MEMO1: variants seen among roughly 807,000 people sequenced by gnomAD.
The protein encoded by MEMO1 is protein MEMO1.
A neutral mutation model predicts 45.2 loss-of-function variants in MEMO1; 6 were observed. The ratio of observed to expected loss-of-function variants is 0.13; its 90% confidence interval spans 0.07 to 0.26. MEMO1 has a LOEUF of 0.26. Ranked by LOEUF, MEMO1 falls within the 10% of genes least tolerant of loss-of-function variation. The probability of loss-of-function intolerance (pLI) is 1.00; values close to 1 mark genes in which losing one functional copy is unlikely to be tolerated. For synonymous variants in MEMO1, 78 were observed against 124.3 expected, an observed-to-expected ratio of 0.63 and a Z score of 2.48; for missense variants, 184 against 370.5, an observed-to-expected ratio of 0.50 and a Z score of 4.13.
At chr2:31,956,591 C>A (rs1031317353) in intron 2 of MEMO1, among the ~76,000 whole-genome samples, 1 of 152,040 alleles carries the variant, frequency 6.6e-6, no homozygotes, top group South Asian at 2.1e-4. Context: ...ACTGACAGAA[C>A]AAACAATCTG....
chr2:31,951,202 C>G lies in MEMO1; in HGVS notation c.62-7819G>C, dbSNP rs982298641. On this transcript the variant is annotated intron_variant, in intron 2 of 9. Transcript: ENST00000404530. The stretch of plus-strand genomic sequence containing the variant: ...GGTGATGTTGTGTAGTCAGTCATAT[C>G]AGTAGGATTAACTACCAAATTCACA... 1.6e-4 allele frequency among the ~76,000 whole-genome samples: 25 copies of G among 152,160 alleles called. 1 individual carries two copies. The highest frequency in any genetic ancestry group is 4.4e-5 in the Non-Finnish European group (3 of 68,018).
At chr2:31,901,300 G>A (rs1342808292) in intron 6 of MEMO1, among the ~76,000 whole-genome samples, 9 of 147,498 alleles carry the variant, frequency 6.1e-5, no homozygotes, top group African/African-American at 2.0e-4. Flanking sequence ...TTGAACCTGG[G>A]AGGTGGAGGT....
chr2:31,953,143 C>A (rs184050121), intron 2 of MEMO1, among the ~76,000 whole-genome samples: 1 of 151,904 alleles, frequency 6.6e-6, no homozygotes, highest in African/African-American at 2.4e-5. Flanking sequence ...CCAAAGTGGG[C>A]GGATCATGAG....
chr2:31,940,921 C>T (rs1490841959), intron 3 of MEMO1, among the ~76,000 whole-genome samples: 1 of 152,130 alleles, frequency 6.6e-6, no homozygotes, highest in Non-Finnish European at 1.5e-5. Flanking sequence ...TCATCTCTGC[C>T]TCAAGCCCCC....
chr2:31,900,131 A>C lies in MEMO1; in HGVS notation c.438-7997T>G, dbSNP rs377084418. On this transcript the variant is annotated intron_variant, in intron 6 of 9. Coordinates refer to ENST00000404530, the MANE Select transcript of MEMO1 (RefSeq NM_001301833.4). ...GCGGAAGACAGTGTGGCGATTCCTC[A>C]AGGATCTAGAACTAGAAATACCATT... Among the ~76,000 whole-genome samples, 24 of 152,364 alleles carry C rather than the reference A, an allele frequency of 1.6e-4. 2 individuals are homozygous for C. The highest frequency in any genetic ancestry group is 5.8e-4 in the African/African-American group (24 of 41,586).
rs978256077 is a variant in MEMO1 at position 31,883,331 on chromosome 2, C to G, written c.657+55G>C. 3.3e-6 allele frequency: 4 copies of G among 1,196,408 alleles called. No homozygotes were observed. The Admixed American group carries it at 7.8e-5, about 23-fold the overall frequency. The allele number at this position is 1,196,408 out of a possible 1,614,324, so 74.1% of individuals were successfully genotyped here. ...ACATGTTAAGTCTTGAATTACTAAT[C>G]TGAAATTAAAGAAAAAGCCTTAGAG... On this transcript the variant is annotated intron_variant, in intron 8 of 9. Transcript: ENST00000404530.
intron 3 of MEMO1, among the ~76,000 whole-genome samples, chr2:31,936,424 T>C (rs1478826537): frequency 6.6e-6 from 1 of 152,200 alleles, no homozygotes; most frequent in Non-Finnish European, 1.5e-5. Flanking sequence ...ACCTTGCCTC[T>C]AAAAATTGAT....
chr2:32,009,265 T>G (rs551440098), intron 2 of MEMO1, among the ~76,000 whole-genome samples: 1 of 152,096 alleles, frequency 6.6e-6, no homozygotes, highest in African/African-American at 2.4e-5. Flanking sequence ...GGGCGACCAG[T>G]GACTGGGGCG....
intron 2 of MEMO1, among the ~76,000 whole-genome samples, chr2:31,971,061 C>T (rs1669338073): frequency 6.6e-6 from 1 of 152,130 alleles, no homozygotes; most frequent in African/African-American, 2.4e-5. Flanking sequence ...AAGAGTTTAA[C>T]TCTCTCCAAA....
chr2:31,979,847 G>A (rs943999514), intron 2 of MEMO1, among the ~76,000 whole-genome samples: 7 of 151,792 alleles, frequency 4.6e-5, no homozygotes, highest in African/African-American at 1.7e-4. Context: ...GCAGGGGCTC[G>A]TTTGTACTTA....
intron 2 of MEMO1, among the ~76,000 whole-genome samples, chr2:31,956,902 G>C (rs183635822): frequency 6.6e-6 from 1 of 152,292 alleles, no homozygotes; most frequent in Non-Finnish European, 1.5e-5. Context: ...CCAGCACTTT[G>C]GGAGGCCGAG....
chr2:31,923,618 G>A (rs1252995131), intron 4 of MEMO1: 5 of 1,538,538 alleles, frequency 3.2e-6, no homozygotes, highest in Admixed American at 2.0e-5. Context: ...AGCCTGACTA[G>A]GGCCAGGTAG....
chr2:31,939,358 T>G (rs1232510134), intron 3 of MEMO1, among the ~76,000 whole-genome samples: 1 of 152,180 alleles, frequency 6.6e-6, no homozygotes, highest in Non-Finnish European at 1.5e-5. Flanking sequence ...GCCAAAACTA[T>G]TTTCAAATAT....
intron 8 of MEMO1, among the ~76,000 whole-genome samples, chr2:31,879,513 A>C (rs1457342594): frequency 6.6e-6 from 1 of 152,166 alleles, no homozygotes. Context: ...CTCCATCCAG[A>C]CCTACCTTCA....
intron 6 of MEMO1, among the ~76,000 whole-genome samples, chr2:31,894,973 A>G (rs1677537937): frequency 6.6e-6 from 1 of 152,150 alleles, no homozygotes; most frequent in African/African-American, 2.4e-5. Flanking sequence ...TTAGCTAAGC[A>G]CTAAATTAAG....
In MEMO1 at chr2:31,916,562, T is replaced by C. The variant is rs187162619; in HGVS notation, c.437+1364A>G. On this transcript the variant is annotated intron_variant, in intron 6 of 9. Coordinates refer to ENST00000404530, the MANE Select transcript of MEMO1 (RefSeq NM_001301833.4). ...TTTATTAAGTCTAAATTATATTTTC[T>C]CATGACAAAATATGCAAACATCTCA... 4.9e-4 allele frequency among the ~76,000 whole-genome samples: 74 copies of C among 152,310 alleles called. 1 individual carries two copies. The East Asian group carries it at 0.013, about 27-fold the overall frequency.
chr2:31,959,330 A>T (rs1667743361), intron 2 of MEMO1, among the ~76,000 whole-genome samples: 1 of 152,196 alleles, frequency 6.6e-6, no homozygotes, highest in Non-Finnish European at 1.5e-5. Flanking sequence ...GTGAGTCCTG[A>T]GATACAGGTA....
intron 3 of MEMO1, among the ~76,000 whole-genome samples, chr2:31,933,318 A>T (rs1245747206): frequency 3.2e-3 from 49 of 15,240 alleles, no homozygotes; most frequent in African/African-American, 0.019. Context: ...CCACCTCTTT[A>T]AAAAAAAAAA....
chr2:31,925,890 A>C (rs1683023571), intron 4 of MEMO1, among the ~76,000 whole-genome samples: 1 of 152,192 alleles, frequency 6.6e-6, no homozygotes, highest in Non-Finnish European at 1.5e-5. Flanking sequence ...AAATGCATTC[A>C]ATCTGTGGTG....
Sources: gnomAD v4.1 joint callset for allele counts (sites outside exome capture counted in the v4.1 genomes callset) on GRCh38, gnomAD v4.1.1 for gene constraint, MANE v1.5 for transcripts, NCBI Gene and HGNC (gene_info 2026-07-23, HGNC 2026-07-21) for gene names.